The following AFF3 variants were observed in gnomAD, a reference collection of about 807,000 sequenced individuals.
AFF3 encodes AF4/FMR2 family member 3.
AFF3 carries 32 observed loss-of-function variants against 129.7 expected under a neutral mutation model. That is an observed-to-expected ratio of 0.25 (90% CI 0.19 to 0.33). The LOEUF is 0.33. AFF3 is among the 10% of genes least tolerant of loss of function. The probability of loss-of-function intolerance (pLI) is 1.00; values close to 1 mark genes in which losing one functional copy is unlikely to be tolerated. For missense variants in AFF3, 1,373 were observed against 1,592.0 expected (o/e 0.86, Z 2.34); for synonymous variants, 644 against 635.4 (o/e 1.01, Z -0.20).
At chr2:99,601,649 C>G (rs974036418) in intron 13 of AFF3, 28 bp from the exon 14 acceptor site, 5 of 1,579,716 alleles carry the variant, frequency 3.2e-6, no homozygotes, top group East Asian at 2.2e-5. Context: ...CCCCGGGAAG[C>G]AGAGGGAAGG....
intron 7 of AFF3, among the ~76,000 whole-genome samples, chr2:99,991,966 T>G (rs1488162793): frequency 6.6e-6 from 1 of 151,428 alleles, no homozygotes; most frequent in East Asian, 1.9e-4. Flanking sequence ...TCTTGACAGA[T>G]TAAATGGAAC....
intron 7 of AFF3, among the ~76,000 whole-genome samples, chr2:99,928,657 C>G (rs1473848419): frequency 1.3e-5 from 2 of 152,116 alleles, no homozygotes. Context: ...GTAAATAAGG[C>G]CAGTTGTGCT....
chr2:99,792,090 G>A (rs970876012), intron 8 of AFF3, among the ~76,000 whole-genome samples: 4 of 152,074 alleles, frequency 2.6e-5, no homozygotes, highest in Non-Finnish European at 4.4e-5. Context: ...ATGTGTGATC[G>A]AAGGCTCACA....
Position 99,807,198 on chromosome 2 carries a change from T to C in AFF3, c.921+30279A>G, listed in dbSNP as rs368501099. 4.9e-4 allele frequency among the ~76,000 whole-genome samples: 75 copies of C among 152,276 alleles called. 2 individuals are homozygous for C. The highest frequency in any genetic ancestry group is 1.5e-3 in the African/African-American group (64 of 41,554). On this transcript the variant is annotated intron_variant, in intron 8 of 24. Transcript: ENST00000672756. ...ACTTTTGGCTCATCAGATTAGCTGG[T>C]TGTCACCTCATAAATGAGGAAACAG... is the stretch of plus-strand genomic sequence containing the variant.
At chr2:99,585,904 T>C (rs1678062847) in intron 16 of AFF3, among the ~76,000 whole-genome samples, 1 of 152,124 alleles carries the variant, frequency 6.6e-6, no homozygotes, top group Non-Finnish European at 1.5e-5. Context: ...AATTTTTTTA[T>C]ATTTTTAGTA....
chr2:99,727,235 G>T, intron 10 of AFF3, 107 bp from the exon 11 acceptor site: 9 of 1,137,010 alleles, frequency 7.9e-6, no homozygotes, highest in Non-Finnish European at 1.1e-5. Context: ...CTTTCAAAAT[G>T]TGTAGCAGGA....
chr2:99,997,211 TG>T (rs1214468842), intron 7 of AFF3, among the ~76,000 whole-genome samples: 1 of 152,212 alleles, frequency 6.6e-6, no homozygotes, highest in Non-Finnish European at 1.5e-5. Context: ...CACCTCCACT[TG>T]GATGTCTAAG....
chr2:100,098,598 C>T (rs1438131982), intron 4 of AFF3, among the ~76,000 whole-genome samples: 1 of 138,470 alleles, frequency 7.2e-6, no homozygotes, highest in African/African-American at 2.8e-5. Context: ...CATTTTAAAA[C>T]CCTCCTACAT....
intron 20 of AFF3, among the ~76,000 whole-genome samples, chr2:99,562,895 C>T (rs67977127): frequency 2.6e-5 from 4 of 152,082 alleles, no homozygotes; most frequent in African/African-American, 4.8e-5. Flanking sequence ...TCTGGTGCCA[C>T]CGGGGCTTCA....
chr2:99,841,321 T>C (rs185276688), intron 7 of AFF3, among the ~76,000 whole-genome samples: 9 of 152,308 alleles, frequency 5.9e-5, no homozygotes, highest in Admixed American at 5.9e-4. Context: ...ACTGGAGACA[T>C]AGATGTAGGA....
At position 99,581,415 on chromosome 2, in the gene AFF3, T is replaced by G. The variant is rs139609684; in HGVS notation, c.2793+1383A>C. 6.9e-3 allele frequency among the ~76,000 whole-genome samples: 1,044 copies of G among 152,326 alleles called. 41 individuals are homozygous for G. The highest frequency in any genetic ancestry group is 0.061 in the Admixed American group (938 of 15,302). On this transcript the variant is annotated intron_variant, in intron 17 of 24. Coordinates refer to ENST00000672756, the MANE Select transcript of AFF3 (RefSeq NM_001386135.1). ...CCTGAGGATGCTGTAAGATTTAGGC[T>G]CTCGTGGGAACTTCCAGCAACTTGT...
intron 7 of AFF3, among the ~76,000 whole-genome samples, chr2:99,957,913 C>T (rs1318548003): frequency 2.6e-5 from 4 of 152,090 alleles, no homozygotes; most frequent in East Asian, 1.9e-4. Context: ...CAGTGTGACA[C>T]GCTTTTTAGA....
intron 11 of AFF3, among the ~76,000 whole-genome samples, chr2:99,713,644 G>A (rs926449258): frequency 6.6e-6 from 1 of 151,950 alleles, no homozygotes; most frequent in African/African-American, 2.4e-5. Flanking sequence ...CCTGGGTGTA[G>A]AAGACAAAGG....
chr2:99,821,410 G>A (rs1428052984), intron 8 of AFF3, among the ~76,000 whole-genome samples: 1 of 151,826 alleles, frequency 6.6e-6, no homozygotes, highest in East Asian at 1.9e-4. Context: ...ACTGGAAGAA[G>A]AACAAAATTG....
intron 4 of AFF3, among the ~76,000 whole-genome samples, chr2:100,025,747 T>A (rs1436045381): frequency 6.6e-6 from 1 of 152,060 alleles, no homozygotes; most frequent in Non-Finnish European, 1.5e-5. Flanking sequence ...TAAACCCAAA[T>A]ACTTACAGCC....
At chr2:99,655,999 G>T (rs565643639) in intron 12 of AFF3, among the ~76,000 whole-genome samples, 1 of 152,274 alleles carries the variant, frequency 6.6e-6, no homozygotes, top group South Asian at 2.1e-4. Flanking sequence ...TCTGGCTTGG[G>T]CACCTGGTAT....
At chr2:99,922,002 C>T (rs138581384) in intron 7 of AFF3, among the ~76,000 whole-genome samples, 1 of 152,216 alleles carries the variant, frequency 6.6e-6, no homozygotes, top group East Asian at 1.9e-4. Context: ...ATTAAAGCCA[C>T]AATGAGATAC....
At position 99,549,372 on chromosome 2, in the gene AFF3, G is replaced by GTCAGGAGT. The variant is rs1392266850; in HGVS notation, c.*2094_*2101dup. ...GGTGGAGGCGGGTAGATCACCTGAG[G>GTCAGGAGT]TCAGGAGTTTGAGACGAGCCTGGCC... On this transcript the variant is annotated 3_prime_UTR_variant, in exon 25 of 25. Coordinates refer to ENST00000672756, the MANE Select transcript of AFF3 (RefSeq NM_001386135.1). 9 of 183,674 alleles carry GTCAGGAGT rather than the reference G, an allele frequency of 4.9e-5. No individual in the cohort carries two copies. Among genetic ancestry groups the GTCAGGAGT allele is most frequent in the African/African-American group, 2.1e-4 (9 of 42,548 alleles). 11.4% of individuals were successfully genotyped at this position (183,674 alleles called of 1,614,324 possible).
intron 7 of AFF3, among the ~76,000 whole-genome samples, chr2:99,879,747 G>A (rs1469706371): frequency 6.6e-6 from 1 of 152,146 alleles, no homozygotes; most frequent in African/African-American, 2.4e-5. Context: ...TCTGTGCTCT[G>A]CGACCTAAAT....
Sources: allele counts gnomAD v4.1 joint callset (sites outside exome capture counted in the v4.1 genomes callset), GRCh38; gene constraint gnomAD v4.1.1; transcripts MANE v1.5; gene names NCBI Gene and HGNC (gene_info 2026-07-23, HGNC 2026-07-21).